The following PRR20G variants were observed in gnomAD, a reference collection of about 807,000 sequenced individuals.
PRR20G encodes proline rich 20G.
chr3:127,285,653 C>T (rs1272272651), intron 2 of PRR20G, among the ~76,000 whole-genome samples: 2 of 152,128 alleles, frequency 1.3e-5, no homozygotes, highest in Admixed American at 6.5e-5. Flanking sequence ...TTTCATAGCC[C>T]AACCATATCT....
chr3:127,287,607 G>C (rs950673328), intron 1 of PRR20G, among the ~76,000 whole-genome samples: 2 of 152,176 alleles, frequency 1.3e-5, no homozygotes, highest in Non-Finnish European at 2.9e-5. Flanking sequence ...TCCAAGTGGA[G>C]CCAGTAGCAA....
chr3:127,286,450 G>A lies in PRR20G; in HGVS notation c.52+864C>T, dbSNP rs916225389. Among the ~76,000 whole-genome samples, 4 of 152,272 alleles carry A rather than the reference G, an allele frequency of 2.6e-5. 1 individual carries two copies. On this transcript the variant is annotated intron_variant, in intron 2 of 2. Transcript: ENST00000465482. Reference sequence around the variant, plus strand: ...TTCTTGTAATGTGCCTATCAAACTAGACAAGATTAAAAGATTTAGGACAGT... The same window carrying A: ...TTCTTGTAATGTGCCTATCAAACTAAACAAGATTAAAAGATTTAGGACAGT...
intron 2 of PRR20G, among the ~76,000 whole-genome samples, chr3:127,285,450 C>T (rs987341189): frequency 2.0e-5 from 3 of 151,978 alleles, no homozygotes; most frequent in African/African-American, 7.3e-5. Flanking sequence ...GCTAGTTTGG[C>T]AGGGAGGGGA....
At position 127,287,376 on chromosome 3, in the gene PRR20G, C is replaced by T. The variant is rs1217242730; in HGVS notation, c.-7-4G>A. On this transcript the variant is annotated splice_region_variant and splice_polypyrimidine_tract_variant and intron_variant, in intron 1 of 2. Coordinates refer to ENST00000465482, the MANE Select transcript of PRR20G (RefSeq NM_001362810.2). ...CCTTGGTTCCTCCATGAGGAATCTG[C>T]GGGAGTGGGTGGGGAGGAAAACGCG... is the stretch of plus-strand genomic sequence containing the variant. Among the ~76,000 whole-genome samples the T allele has an allele frequency of 2.0e-5, 3 of 152,100 alleles. No individual in the cohort carries two copies. The highest frequency in any genetic ancestry group is 3.9e-4 in the East Asian group (2 of 5,184).
Position 127,284,125 on chromosome 3 carries a change from C to A in PRR20G, c.568G>T (p.Val190Leu), listed in dbSNP as rs1489572365. Residue 190 changes from valine (V) to leucine (L), a missense_variant, in exon 3 of 3, where the codon GTG (valine) becomes TTG (leucine). Transcript: ENST00000465482. The part of the protein sequence containing the change: ...PPGGSSTLCI[V>L]QTSNSTIVQS... ...ACGATGGTGCTATTAGAGGTCTGCA[C>A]GATGCACAAAGTAGATGAGCCACCC... The A allele has an allele frequency of 6.6e-6, 1 of 152,344 alleles. No homozygotes were observed. Among genetic ancestry groups the A allele is most frequent in the African/African-American group, 2.4e-5 (1 of 41,404 alleles). The allele number at this position is 152,344 out of a possible 1,614,324, so 9.4% of individuals were successfully genotyped here.
chr3:127,287,037 C>G (rs1232917593), intron 2 of PRR20G, among the ~76,000 whole-genome samples: 1 of 152,064 alleles, frequency 6.6e-6, no homozygotes, highest in Non-Finnish European at 1.5e-5. Flanking sequence ...CAGCTAAATA[C>G]TCCACTACTC....
intron 2 of PRR20G, among the ~76,000 whole-genome samples, chr3:127,286,585 T>C (rs1357066635): frequency 6.6e-6 from 1 of 152,102 alleles, no homozygotes; most frequent in East Asian, 1.9e-4. Context: ...GATCGAGACA[T>C]AGTGTAAGGA....
chr3:127,287,655 C>G (rs541149844), intron 1 of PRR20G, among the ~76,000 whole-genome samples: 1 of 152,280 alleles, frequency 6.6e-6, no homozygotes, highest in East Asian at 1.9e-4. Context: ...TTAACTTATC[C>G]CAGTTTCTTC....
Position 127,284,577 on chromosome 3 carries a change from G to A in PRR20G, c.116C>T (p.Pro39Leu). The change falls in exon 3 of 3, where the codon CCA (proline) becomes CTA (leucine). Residue 39 changes from proline (P) to leucine (L), a missense_variant. Physicochemically the swap from Pro to Leu is moderately conservative, Grantham distance 98. Coordinates refer to ENST00000465482, the MANE Select transcript of PRR20G (RefSeq NM_001362810.2). ...SGVDREDPVD[P>L]VQPAKPTAYV... ...AGCAGTGGGTTTTGCCGGTTGGACT[G>A]GGTCTACAGGGTCTTCACGGTCCAC... The A allele has an allele frequency of 6.4e-6, 1 of 156,552 alleles. No individual in the cohort carries two copies. Among genetic ancestry groups the A allele is most frequent in the Non-Finnish European group, 1.4e-5 (1 of 69,860 alleles). 9.7% of individuals were successfully genotyped at this position (156,552 alleles called of 1,614,324 possible).
chr3:127,287,795 C>T (rs747492415), intron 1 of PRR20G, among the ~76,000 whole-genome samples, 84 bp downstream of exon 1: 5 of 152,260 alleles, frequency 3.3e-5, no homozygotes, highest in Admixed American at 2.6e-4. Context: ...CATGTGGCCT[C>T]GGCCTTCTAG....
intron 1 of PRR20G, among the ~76,000 whole-genome samples, 47 bp downstream of exon 1, chr3:127,287,832 T>C (rs893265926): frequency 1.3e-5 from 2 of 152,096 alleles, no homozygotes; most frequent in Non-Finnish European, 2.9e-5. Context: ...TCCCCACCTG[T>C]ACCCACGCAA....
chr3:127,287,568 G>C (rs576735012), intron 1 of PRR20G, among the ~76,000 whole-genome samples, 196 bp from the exon 2 acceptor site: 2 of 152,156 alleles, frequency 1.3e-5, no homozygotes, highest in Admixed American at 6.5e-5. Context: ...GAGTTGGGGT[G>C]GGGGGAGACT....
chr3:127,286,440 T>G (rs1338563113), intron 2 of PRR20G, among the ~76,000 whole-genome samples: 2 of 152,238 alleles, frequency 1.3e-5, no homozygotes, highest in Non-Finnish European at 2.9e-5. Flanking sequence ...GTAATGTGCC[T>G]ATCAAACTAG....
At chr3:127,287,711 T>A (rs1447373983) in intron 1 of PRR20G, among the ~76,000 whole-genome samples, 168 bp downstream of exon 1, 1 of 152,094 alleles carries the variant, frequency 6.6e-6, no homozygotes, top group African/African-American at 2.4e-5. Context: ...GGAGGAATGA[T>A]CCCTCCTTAG....
intron 2 of PRR20G, among the ~76,000 whole-genome samples, chr3:127,285,947 T>G (rs1342055621): frequency 6.6e-6 from 1 of 152,084 alleles, no homozygotes; most frequent in African/African-American, 2.4e-5. Flanking sequence ...AAAAGGAATA[T>G]TCAGAAAAAC....
rs74371639 is a variant in PRR20G, at chr3:127,287,945, T to TCA, written c.-76_-75dup. On this transcript the variant is annotated 5_prime_UTR_variant, in exon 1 of 3. Coordinates refer to ENST00000465482, the MANE Select transcript of PRR20G (RefSeq NM_001362810.2). ...TGAGGAGCTGGAGGTGTCCACGGGA[T>TCA]CACGGCTATGGCTCCGACGTCGCCC... Among the ~76,000 whole-genome samples the TCA allele has an allele frequency of 5.5e-5, 6 of 109,244 alleles. No homozygotes were observed. In the Admixed American group the frequency reaches 7.5e-4, roughly 14 times the overall value. The allele number at this position is 109,244 out of a possible 152,430, so 71.7% of individuals were successfully genotyped here. A position where few individuals can be genotyped will look rare whatever the true frequency, so the allele number is the denominator to read the frequency against.
Position 127,284,407 on chromosome 3 carries a change from C to G in PRR20G, c.286G>C (p.Val96Leu), listed in dbSNP as rs532990090. The change falls in exon 3 of 3, where the codon GTG (valine) becomes CTG (leucine). Residue 96 changes from valine (V) to leucine (L), a missense_variant. By Grantham distance (32) the Val-to-Leu change is conservative. Coordinates refer to ENST00000465482, the MANE Select transcript of PRR20G (RefSeq NM_001362810.2). ...TGGACTAGGTACATGCCTGGCCCCA[C>G]TCTCTCGCCCAGGGCCCTGAGAAGC... is the stretch of plus-strand genomic sequence containing the variant. ...AGLLRALGER[V>L]GPGMYLVHLN... The G allele has an allele frequency of 6.5e-6, 1 of 152,758 alleles. No homozygotes were observed. The highest frequency in any genetic ancestry group is 1.5e-5 in the Non-Finnish European group (1 of 68,436). The allele number at this position is 152,758 out of a possible 1,614,324, so 9.5% of individuals were successfully genotyped here.
chr3:127,285,744 A>G (rs955677887), intron 2 of PRR20G, among the ~76,000 whole-genome samples: 3 of 152,210 alleles, frequency 2.0e-5, no homozygotes, highest in Non-Finnish European at 2.9e-5. Flanking sequence ...TTTTTAAACT[A>G]TAAGCAGCAA....
chr3:127,286,751 C>T (rs919635950), intron 2 of PRR20G, among the ~76,000 whole-genome samples: 1 of 152,120 alleles, frequency 6.6e-6, no homozygotes. Flanking sequence ...CAGCCAGTCC[C>T]GGTTGGAGCA....
Sources: gnomAD v4.1 joint callset for allele counts (sites outside exome capture counted in the v4.1 genomes callset) on GRCh38, gnomAD v4.1.1 for gene constraint, MANE v1.5 for transcripts, NCBI Gene and HGNC (gene_info 2026-07-23, HGNC 2026-07-21) for gene names.